The following ARFIP1 variants were observed in gnomAD, a reference collection of about 807,000 sequenced individuals.
ARFIP1 encodes arfaptin-1.
In ARFIP1, 24 loss-of-function variants were observed where a neutral mutation model predicts 42.5. The ratio of observed to expected loss-of-function variants is 0.57; its 90% CI spans 0.41 to 0.80. ARFIP1 has a LOEUF of 0.80. Ranked by LOEUF, ARFIP1 falls within the 30% of genes least tolerant of loss-of-function variation. The pLI is 0.00. For missense variants in ARFIP1, 354 were observed against 434.0 expected (o/e 0.82, Z 1.64); for synonymous variants, 141 against 153.7 (o/e 0.92, Z 0.61).
chr4:152,904,174 G>GTATATATATATATATATATATATATA (rs1271864223), intron 8 of ARFIP1, among the ~76,000 whole-genome samples: 1 of 45,244 alleles, frequency 2.2e-5, no homozygotes, highest in African/African-American at 6.6e-5. Flanking sequence ...ATATATGTGT[G>GTATATATATATATATATATATATATA]TGTGTGTATA....
At chr4:152,904,184 A>AT in intron 8 of ARFIP1, among the ~76,000 whole-genome samples, 1 of 105,358 alleles carries the variant, frequency 9.5e-6, no homozygotes, top group Non-Finnish European at 1.9e-5. Flanking sequence ...GTGTGTGTAT[A>AT]TATATATATA....
Position 152,911,785 on chromosome 4 carries a change from T to C in ARFIP1, c.*1566T>C, listed in dbSNP as rs537075041. On this transcript the variant is annotated 3_prime_UTR_variant, in exon 9 of 9. Transcript: ENST00000353617. ...ATTTTAAATCATTCCTTCCTGTATA[T>C]TTGTACTCAGAGAGCCTTATTTTAT... 1 of 152,728 alleles carries C rather than the reference T, an allele frequency of 6.5e-6. No homozygotes were observed. 9.5% of individuals were successfully genotyped at this position (152,728 alleles called of 1,614,324 possible). A position where few individuals can be genotyped will look rare whatever the true frequency, so the allele number is the denominator to read the frequency against.
Position 152,872,564 on chromosome 4 carries a change from G to A in ARFIP1, c.411G>A (p.Lys137=), listed in dbSNP as rs1734980826. The A allele has an allele frequency of 1.9e-6, 3 of 1,542,020 alleles. No individual in the cohort carries two copies. Among genetic ancestry groups the A allele is most frequent in the African/African-American group, 1.4e-5 (1 of 71,852 alleles). The stretch of plus-strand genomic sequence containing the variant: ...GAAAATGGAGTCTAAACACCTATAA[G>A]GTTTGTAATTATTTAATGTTTCCAC... ...LVRKWSLNTY[K]CTRQIISEKL... Residue 137 remains lysine, a splice_region_variant and synonymous_variant, in exon 5 of 9, where the codon AAG becomes AAA. Coordinates refer to ENST00000353617, the MANE Select transcript of ARFIP1 (RefSeq NM_001025595.3).
At chr4:152,895,942 A>G in intron 8 of ARFIP1, among the ~76,000 whole-genome samples, 1 of 152,160 alleles carries the variant, frequency 6.6e-6, no homozygotes, top group East Asian at 1.9e-4. Context: ...GCTTATAGTC[A>G]AGTAAGACAG....
At chr4:152,847,660 A>G (rs1423281008) in intron 2 of ARFIP1, among the ~76,000 whole-genome samples, 3 of 152,280 alleles carry the variant, frequency 2.0e-5, no homozygotes, top group Admixed American at 2.0e-4. Context: ...AATTCAAATT[A>G]CTCTGATTTG....
chr4:152,871,367 A>T (rs1028483066), intron 4 of ARFIP1, among the ~76,000 whole-genome samples: 2 of 152,242 alleles, frequency 1.3e-5, no homozygotes, highest in African/African-American at 4.8e-5. Flanking sequence ...GAAAATCAGT[A>T]TCTTTACATT....
intron 2 of ARFIP1, among the ~76,000 whole-genome samples, chr4:152,850,028 C>G (rs1250556218): frequency 6.6e-6 from 1 of 152,174 alleles, no homozygotes; most frequent in Non-Finnish European, 1.5e-5. Context: ...GATTCCCAAA[C>G]CTGATCCAGA....
At chr4:152,850,117 CCT>C (rs1304064010) in intron 2 of ARFIP1, among the ~76,000 whole-genome samples, 2 of 152,130 alleles carry the variant, frequency 1.3e-5, no homozygotes, top group Admixed American at 6.5e-5. Context: ...ATTACTATCC[CCT>C]GTCATTCTGC....
At chr4:152,864,275 C>A (rs1561151869) in intron 3 of ARFIP1, among the ~76,000 whole-genome samples, 1 of 152,184 alleles carries the variant, frequency 6.6e-6, no homozygotes, top group Non-Finnish European at 1.5e-5. Flanking sequence ...CAGTTTCTGA[C>A]TCTTCCAAGC....
At chr4:152,833,631 G>T (rs941306253) in intron 2 of ARFIP1, among the ~76,000 whole-genome samples, 2 of 152,154 alleles carry the variant, frequency 1.3e-5, no homozygotes, top group African/African-American at 4.8e-5. Flanking sequence ...GTTAATGGAT[G>T]AATGGATAAA....
intron 1 of ARFIP1, among the ~76,000 whole-genome samples, chr4:152,829,232 T>G (rs1036111208): frequency 6.6e-6 from 1 of 152,352 alleles, no homozygotes; most frequent in Admixed American, 6.5e-5. Flanking sequence ...CTAATTCTAC[T>G]CTGCCCTGTG....
At chr4:152,843,151 G>A (rs1259689062) in intron 2 of ARFIP1, among the ~76,000 whole-genome samples, 2 of 152,130 alleles carry the variant, frequency 1.3e-5, no homozygotes, top group African/African-American at 2.4e-5. Flanking sequence ...TATGGATGTG[G>A]CTTCCTGTGA....
At chr4:152,853,377 C>T (rs879272080) in intron 2 of ARFIP1, among the ~76,000 whole-genome samples, 3 of 152,192 alleles carry the variant, frequency 2.0e-5, no homozygotes, top group Admixed American at 1.3e-4. Flanking sequence ...TGAATTACCT[C>T]AGCTTTTGCT....
rs1159992707 is a variant in ARFIP1 at position 152,880,833 on chromosome 4, AG to A, written c.412-127del. 1.5e-5 allele frequency: 10 copies of A among 662,700 alleles called. No homozygotes were observed. The African/African-American group carries it at 1.8e-4, about 12-fold the overall frequency. 41.1% of individuals were successfully genotyped at this position (662,700 alleles called of 1,614,324 possible). On this transcript the variant is annotated intron_variant, in intron 5 of 8. Transcript: ENST00000353617. The stretch of plus-strand genomic sequence containing the variant: ...TTACTTTCTGAGTCCTGATCAAGTA[AG>A]GGAGCTGACAATTTTCAGTTTGTTA...
chr4:152,889,237 T>C (rs1417234869), intron 8 of ARFIP1, among the ~76,000 whole-genome samples: 2 of 152,026 alleles, frequency 1.3e-5, no homozygotes, highest in East Asian at 1.9e-4. Context: ...TTGTTTTCTT[T>C]AACATTTCCT....
intron 1 of ARFIP1, among the ~76,000 whole-genome samples, chr4:152,822,448 C>T (rs1307664567): frequency 6.6e-6 from 1 of 152,108 alleles, no homozygotes; most frequent in Non-Finnish European, 1.5e-5. Flanking sequence ...AAGACACAGA[C>T]AGCAACACAA....
At chr4:152,817,473 A>G (rs1164276705) in intron 1 of ARFIP1, among the ~76,000 whole-genome samples, 1 of 152,210 alleles carries the variant, frequency 6.6e-6, no homozygotes, top group Admixed American at 6.5e-5. Flanking sequence ...AGAATGAATC[A>G]AAGACCTAAA....
intron 6 of ARFIP1, among the ~76,000 whole-genome samples, chr4:152,881,841 G>A (rs988641273): frequency 7.2e-5 from 11 of 152,080 alleles, no homozygotes; most frequent in Non-Finnish European, 1.0e-4. Context: ...CCTAAGAAAC[G>A]TAATTACAGC....
In ARFIP1 at chr4:152,842,141, C is replaced by G. The variant is rs1050938879; in HGVS notation, c.93+12415C>G. 3.3e-5 allele frequency among the ~76,000 whole-genome samples: 5 copies of G among 152,052 alleles called. No homozygotes were observed. In the East Asian group the frequency reaches 9.6e-4, roughly 29 times the overall value. On this transcript the variant is annotated intron_variant, in intron 2 of 8. Transcript: ENST00000353617. ...CCAACCAATCAGATAGTAAAGAGAG[C>G]TCACTAAAATGCTAATTAGGCAAAA...
Sources: gnomAD v4.1 joint callset for allele counts (sites outside exome capture counted in the v4.1 genomes callset) on GRCh38, gnomAD v4.1.1 for gene constraint, MANE v1.5 for transcripts, NCBI Gene and HGNC (gene_info 2026-07-23, HGNC 2026-07-21) for gene names.